The following OSBPL8 variants were observed in gnomAD, a reference collection of about 807,000 sequenced individuals.
OSBPL8 encodes the protein oxysterol binding protein like 8, also known as oxysterol-binding protein-related protein 8.
OSBPL8 carries 59 observed loss-of-function variants against 125.5 expected under a neutral mutation model. The observed-to-expected ratio is 0.47, with a 90% CI of 0.38 to 0.58. The LOEUF is 0.58. OSBPL8 is among the 20% of genes least tolerant of loss of function. OSBPL8 has a pLI of 0.00. For synonymous variants in OSBPL8, 330 were observed against 338.9 expected (o/e 0.97, Z 0.29); for missense variants, 758 against 1,047.8 (o/e 0.72, Z 3.82).
chr12:76,499,784 C>T (rs576852928), intron 1 of OSBPL8, among the ~76,000 whole-genome samples: 33 of 151,886 alleles, frequency 2.2e-4, no homozygotes, highest in Admixed American at 1.4e-3. Flanking sequence ...GACCCGGGAG[C>T]GGAGGTTGCA....
At position 76,557,881 on chromosome 12, in the gene OSBPL8, CAGATCAG is replaced by C. The variant is rs1306452724; in HGVS notation, c.-68+1509_-68+1515del. Among the ~76,000 whole-genome samples, 29 of 152,148 alleles carry C rather than the reference CAGATCAG, an allele frequency of 1.9e-4. 1 individual carries two copies. Among genetic ancestry groups the C allele is most frequent in the Admixed American group, 7.2e-4 (11 of 15,284 alleles). On this transcript the variant is annotated intron_variant, in intron 1 of 23. Transcript: ENST00000261183. ...AGGAAAATACAGTAGCATCTTTCCA[CAGATCAG>C]AGATTCAATAACTATTATGATTCAA...
chr12:76,384,267 C>T lies in OSBPL8; in HGVS notation c.1617G>A (p.Lys539=). The T allele has an allele frequency of 6.5e-7, 1 of 1,532,808 alleles. No individual in the cohort carries two copies. The highest frequency in any genetic ancestry group is 8.9e-7 in the Non-Finnish European group (1 of 1,126,402). 95.0% of individuals were successfully genotyped at this position (1,532,808 alleles called of 1,614,324 possible). A position where few individuals can be genotyped will look rare whatever the true frequency, so the allele number is the denominator to read the frequency against. The part of the protein sequence containing the change: ...GFCLSGSILA[K]SKFYGNSLSA... ...GGGAAAACTCACCATAAAACTTAGA[C>T]TTAGCCAGGATACTACCGCTAAGGC... is the stretch of plus-strand genomic sequence containing the variant. Residue 539 remains lysine (K), a synonymous_variant, in exon 15 of 24, where the codon AAG becomes AAA. Transcript: ENST00000261183.
At chr12:76,416,487 C>G (rs1354877643) in intron 4 of OSBPL8, among the ~76,000 whole-genome samples, 1 of 151,976 alleles carries the variant, frequency 6.6e-6, no homozygotes, top group African/African-American at 2.4e-5. Flanking sequence ...TTTTCTCCCT[C>G]AATTACAAAG....
chr12:76,521,425 A>G (rs757262940), intron 1 of OSBPL8, among the ~76,000 whole-genome samples: 21 of 152,202 alleles, frequency 1.4e-4, no homozygotes, highest in Non-Finnish European at 2.1e-4. Flanking sequence ...CAGAATTACT[A>G]TATGATCCAG....
At chr12:76,493,405 C>T (rs1430384620) in intron 1 of OSBPL8, among the ~76,000 whole-genome samples, 2 of 152,286 alleles carry the variant, frequency 1.3e-5, no homozygotes, top group South Asian at 2.1e-4. Flanking sequence ...TTTTGTAAGG[C>T]AGGTTTACTG....
chr12:76,486,742 A>G (rs1299659405), intron 2 of OSBPL8, among the ~76,000 whole-genome samples: 2 of 152,200 alleles, frequency 1.3e-5, no homozygotes, highest in Non-Finnish European at 2.9e-5. Context: ...TTTTTATAAA[A>G]AGAATATATG....
chr12:76,533,064 A>C (rs1382077877), intron 1 of OSBPL8, among the ~76,000 whole-genome samples: 3 of 152,244 alleles, frequency 2.0e-5, no homozygotes, highest in Non-Finnish European at 4.4e-5. Flanking sequence ...GAATAAGGAA[A>C]TAAAATAAAA....
chr12:76,533,660 T>C (rs754289931), intron 1 of OSBPL8, among the ~76,000 whole-genome samples: 13 of 152,178 alleles, frequency 8.5e-5, no homozygotes, highest in Non-Finnish European at 1.0e-4. Flanking sequence ...GAAATGAGAT[T>C]ATTAACCTCA....
intron 4 of OSBPL8, among the ~76,000 whole-genome samples, chr12:76,429,993 C>A (rs1197475428): frequency 5.3e-5 from 8 of 152,064 alleles, no homozygotes; most frequent in Non-Finnish European, 1.2e-4. Context: ...GAAACCATGC[C>A]CACTAGCACC....
chr12:76,514,285 C>T (rs1881311278), intron 1 of OSBPL8, among the ~76,000 whole-genome samples: 1 of 149,764 alleles, frequency 6.7e-6, no homozygotes, highest in African/African-American at 2.5e-5. Flanking sequence ...GCTGGGGCTA[C>T]AGCTGCCTGC....
intron 4 of OSBPL8, among the ~76,000 whole-genome samples, chr12:76,443,414 G>A (rs571092945): frequency 6.6e-6 from 1 of 152,128 alleles, no homozygotes; most frequent in Admixed American, 6.5e-5. Flanking sequence ...CATGAGATGA[G>A]CTATAATTTA....
At chr12:76,555,976 T>A (rs1421139471) in intron 1 of OSBPL8, among the ~76,000 whole-genome samples, 1 of 152,210 alleles carries the variant, frequency 6.6e-6, no homozygotes, top group East Asian at 1.9e-4. Context: ...ACACTGCTTA[T>A]CTTCAGACAC....
At chr12:76,423,120 C>G (rs921220027) in intron 4 of OSBPL8, 2 of 152,694 alleles carry the variant, frequency 1.3e-5, no homozygotes, top group African/African-American at 4.8e-5. Context: ...CCAGCTTTTA[C>G]TTACTTCAAA....
chr12:76,419,048 T>A (rs1235987103), intron 4 of OSBPL8, among the ~76,000 whole-genome samples: 3 of 151,942 alleles, frequency 2.0e-5, no homozygotes, highest in Non-Finnish European at 2.9e-5. Flanking sequence ...CCAACCTGGC[T>A]AACATGGTGA....
At chr12:76,375,773 GTA>G (rs1219417970) in intron 16 of OSBPL8, among the ~76,000 whole-genome samples, 1 of 151,090 alleles carries the variant, frequency 6.6e-6, no homozygotes, top group African/African-American at 2.4e-5. Flanking sequence ...TTTTTGCAGT[GTA>G]TTTAGTATCA....
intron 2 of OSBPL8, among the ~76,000 whole-genome samples, chr12:76,473,947 G>A (rs1326921070): frequency 6.6e-6 from 1 of 152,138 alleles, no homozygotes; most frequent in Non-Finnish European, 1.5e-5. Flanking sequence ...AAGGCATTTT[G>A]AATAGCTGGC....
intron 4 of OSBPL8, among the ~76,000 whole-genome samples, chr12:76,419,096 C>T (rs1031441896): frequency 4.6e-5 from 7 of 151,834 alleles, no homozygotes; most frequent in Admixed American, 1.3e-4. Context: ...ATTAGCTGGG[C>T]GTGGTGATAC....
chr12:76,378,605 A>G, intron 15 of OSBPL8, 55 bp from the exon 16 acceptor site: 1 of 1,266,440 alleles, frequency 7.9e-7, no homozygotes, highest in Non-Finnish European at 1.1e-6. Flanking sequence ...CCAATTCAAA[A>G]CAAACAAAAT....
intron 1 of OSBPL8, among the ~76,000 whole-genome samples, chr12:76,522,923 CTG>C (rs1241742841): frequency 3.9e-5 from 6 of 152,162 alleles, no homozygotes; most frequent in African/African-American, 1.4e-4. Flanking sequence ...TCTCAGCTCA[CTG>C]TGAATGAGCT....
Sources: allele counts gnomAD v4.1 joint callset (sites outside exome capture counted in the v4.1 genomes callset), GRCh38; gene constraint gnomAD v4.1.1; transcripts MANE v1.5; gene names NCBI Gene and HGNC (gene_info 2026-07-23, HGNC 2026-07-21).